Variants in CEP85L observed in about 807,000 individuals in gnomAD.
CEP85L encodes the protein centrosomal protein of 85 kDa-like.
Under a neutral mutation model 100.3 loss-of-function variants are expected in CEP85L, and 60 were observed. The ratio of observed to expected loss-of-function variants is 0.60; its 90% CI spans 0.49 to 0.74. CEP85L has a LOEUF of 0.74. CEP85L is among the 30% of genes least tolerant of loss of function. The pLI, the probability that CEP85L is intolerant of heterozygous loss-of-function variation, is 0.00. For missense variants in CEP85L, 973 were observed against 936.2 expected (o/e 1.04, Z -0.51); for synonymous variants, 319 against 322.7 (o/e 0.99, Z 0.12).
intron 4 of CEP85L, among the ~76,000 whole-genome samples, chr6:118,517,981 A>G (rs1220406369): frequency 6.6e-6 from 1 of 152,206 alleles, no homozygotes; most frequent in Admixed American, 6.5e-5. Context: ...TTCTGCATCT[A>G]TTAAGATAAT....
chr6:118,538,085 T>A (rs1777700044), intron 3 of CEP85L: 1 of 324,504 alleles, frequency 3.1e-6, no homozygotes, highest in Non-Finnish European at 4.4e-6. Context: ...GCACTTAATA[T>A]AAAATCTACG....
chr6:118,703,464 C>T (rs1777493529), intron 1 of CEP85L, among the ~76,000 whole-genome samples: 1 of 152,210 alleles, frequency 6.6e-6, no homozygotes, highest in African/African-American at 2.4e-5. Flanking sequence ...CCCAGCCTCC[C>T]AAAGTGCTGG....
intron 5 of CEP85L, among the ~76,000 whole-genome samples, chr6:118,511,069 G>A (rs1775936598): frequency 6.6e-6 from 1 of 152,058 alleles, no homozygotes; most frequent in Admixed American, 6.6e-5. Flanking sequence ...CTCTGGAAGG[G>A]ATACACCAGA....
intron 1 of CEP85L, among the ~76,000 whole-genome samples, chr6:118,700,012 A>G (rs1777360232): frequency 1.3e-5 from 2 of 152,210 alleles, no homozygotes. Flanking sequence ...CTATTATTAT[A>G]GGAGCATGCC....
At chr6:118,518,545 T>G (rs1288617038) in intron 4 of CEP85L, among the ~76,000 whole-genome samples, 1 of 152,258 alleles carries the variant, frequency 6.6e-6, no homozygotes, top group Non-Finnish European at 1.5e-5. Flanking sequence ...TCTCTGATAG[T>G]AGTTTGTAAT....
intron 3 of CEP85L, among the ~76,000 whole-genome samples, chr6:118,545,888 T>C (rs1778171032): frequency 6.6e-6 from 1 of 152,162 alleles, no homozygotes; most frequent in Non-Finnish European, 1.5e-5. Context: ...TCACAAATAC[T>C]ATTCCACAGA....
chr6:118,518,149 T>C (rs1273132194), intron 4 of CEP85L, among the ~76,000 whole-genome samples: 13 of 152,202 alleles, frequency 8.5e-5, no homozygotes, highest in African/African-American at 2.7e-4. Flanking sequence ...TTATTGAGGA[T>C]TTTTGCATCG....
At chr6:118,689,864 G>T (rs1331166556) in intron 1 of CEP85L, among the ~76,000 whole-genome samples, 3 of 150,348 alleles carry the variant, frequency 2.0e-5, no homozygotes, top group African/African-American at 7.3e-5. Context: ...AGTGGAGTCA[G>T]TTATTTGCAG....
At chr6:118,606,758 G>A (rs548603447) in intron 2 of CEP85L, among the ~76,000 whole-genome samples, 6 of 152,288 alleles carry the variant, frequency 3.9e-5, no homozygotes, top group African/African-American at 1.2e-4. Flanking sequence ...TTCTAAGCCC[G>A]TGTTTTATCC....
intron 2 of CEP85L, among the ~76,000 whole-genome samples, chr6:118,597,271 T>A (rs1781504506): frequency 6.6e-6 from 1 of 152,234 alleles, no homozygotes; most frequent in African/African-American, 2.4e-5. Flanking sequence ...CACTGCTTTA[T>A]CTATGTAGAA....
At chr6:118,673,956 CCAA>C (rs1297074348) in intron 1 of CEP85L, among the ~76,000 whole-genome samples, 2 of 152,110 alleles carry the variant, frequency 1.3e-5, no homozygotes, top group Non-Finnish European at 2.9e-5. Context: ...TGCTGAGTTA[CCAA>C]CAAGATTCAA....
intron 2 of CEP85L, among the ~76,000 whole-genome samples, chr6:118,592,573 T>C (rs1002509279): frequency 3.9e-5 from 6 of 152,172 alleles, no homozygotes; most frequent in Non-Finnish European, 7.4e-5. Flanking sequence ...TGCAAAAACA[T>C]AGTATTATTC....
chr6:118,658,404 G>A (rs1405408176), intron 1 of CEP85L, among the ~76,000 whole-genome samples: 6 of 152,116 alleles, frequency 3.9e-5, no homozygotes, highest in African/African-American at 9.7e-5. Flanking sequence ...TTTCTATTGT[G>A]TAACCAGTAT....
intron 1 of CEP85L, among the ~76,000 whole-genome samples, chr6:118,637,799 T>C (rs796719922): frequency 8.0e-5 from 12 of 149,322 alleles, no homozygotes; most frequent in African/African-American, 2.5e-4. Flanking sequence ...TGCATAATTA[T>C]AAAGAGATCA....
In CEP85L at chr6:118,617,181, G is replaced by A. The variant is rs562751485; in HGVS notation, c.232+15272C>T. Among the ~76,000 whole-genome samples, 13 of 152,132 alleles carry A rather than the reference G, an allele frequency of 8.5e-5. No individual in the cohort carries two copies. The South Asian group carries it at 2.7e-3, about 32-fold the overall frequency. ...AAAACTCACTCATTTCCTGCATCAG[G>A]GATTACTTCGGTTCTGGATAAATAA... On this transcript the variant is annotated intron_variant, in intron 2 of 12. Coordinates refer to ENST00000368491, the MANE Select transcript of CEP85L (RefSeq NM_001042475.3).
At chr6:118,651,007 C>A (rs1043171430) in intron 1 of CEP85L, among the ~76,000 whole-genome samples, 190 bp downstream of exon 1, 28 of 152,134 alleles carry the variant, frequency 1.8e-4, no homozygotes, top group Non-Finnish European at 3.2e-4. Flanking sequence ...GGGGCTGATG[C>A]GCCTGGGACG....
chr6:118,506,961 G>C (rs11755121), intron 5 of CEP85L, among the ~76,000 whole-genome samples: 77,433 of 151,790 alleles, frequency 0.51, 20,137 homozygotes, highest in Middle Eastern at 0.59. Flanking sequence ...GCTGTTTCCT[G>C]TTTCTAGTTC....
chr6:118,547,370 T>A (rs1178827306), intron 3 of CEP85L, among the ~76,000 whole-genome samples: 1 of 152,138 alleles, frequency 6.6e-6, no homozygotes, highest in East Asian at 1.9e-4. Flanking sequence ...AAGCAACTGC[T>A]AGATTAAATG....
chr6:118,551,846 T>C (rs577384992), intron 3 of CEP85L, among the ~76,000 whole-genome samples: 4 of 152,136 alleles, frequency 2.6e-5, no homozygotes, highest in South Asian at 4.1e-4. Flanking sequence ...AGTTTAGTAT[T>C]AGGCAATCTC....
Sources: allele counts gnomAD v4.1 joint callset (sites outside exome capture counted in the v4.1 genomes callset), GRCh38; gene constraint gnomAD v4.1.1; transcripts MANE v1.5; gene names NCBI Gene and HGNC (gene_info 2026-07-23, HGNC 2026-07-21).